Variants in FMN2 observed in about 807,000 individuals in gnomAD.
The protein encoded by FMN2 is formin 2.
In FMN2, 51 loss-of-function variants were observed where a neutral mutation model predicts 142.3. The ratio of observed to expected loss-of-function variants is 0.36; its 90% CI spans 0.29 to 0.45. The LOEUF (loss-of-function observed/expected upper bound fraction) is 0.45. Among genes scored for constraint, FMN2 ranks in the 20% least tolerant of loss-of-function variants. The pLI is 1.00. For synonymous variants in FMN2, 882 were observed against 869.8 expected (o/e 1.01, Z -0.25); for missense variants, 1,936 against 2,122.8 (o/e 0.91, Z 1.73).
At chr1:240,444,703 C>T (rs768539480) in intron 16 of FMN2, among the ~76,000 whole-genome samples, 1 of 152,120 alleles carries the variant, frequency 6.6e-6, no homozygotes, top group African/African-American at 2.4e-5. Flanking sequence ...GAAGGTTATG[C>T]GTTACATTGG....
chr1:240,157,107 C>G (rs1161497007), intron 2 of FMN2, among the ~76,000 whole-genome samples: 4 of 152,326 alleles, frequency 2.6e-5, no homozygotes, highest in African/African-American at 9.6e-5. Context: ...GTCTACCGCA[C>G]AGCTTACATT....
chr1:240,275,228 A>G (rs112603406), intron 7 of FMN2, among the ~76,000 whole-genome samples: 4,248 of 151,774 alleles, frequency 0.028, 154 homozygotes, highest in African/African-American at 0.093. Context: ...TCCTAATGCT[A>G]TCCCTCCCCT....
intron 8 of FMN2, among the ~76,000 whole-genome samples, chr1:240,326,605 C>A (rs944447682): frequency 1.3e-5 from 2 of 152,132 alleles, no homozygotes; most frequent in Non-Finnish European, 2.9e-5. Context: ...TCTGGTCATT[C>A]AACCCCACGT....
At chr1:240,279,454 A>G (rs1389395012) in intron 7 of FMN2, among the ~76,000 whole-genome samples, 2 of 152,158 alleles carry the variant, frequency 1.3e-5, no homozygotes, top group Non-Finnish European at 2.9e-5. Flanking sequence ...ACATCACTGT[A>G]AGAAGCAGGT....
At chr1:240,188,083 G>C in intron 3 of FMN2, 124 bp from the exon 4 acceptor site, 1 of 817,176 alleles carries the variant, frequency 1.2e-6, no homozygotes. Flanking sequence ...AATTGGAAGA[G>C]AGACTGGATA....
chr1:240,307,776 A>G (rs1179434595), intron 8 of FMN2, among the ~76,000 whole-genome samples: 1 of 152,136 alleles, frequency 6.6e-6, no homozygotes, highest in Non-Finnish European at 1.5e-5. Flanking sequence ...TCTGTGAAAA[A>G]TGATGTTTGT....
At position 240,092,917 on chromosome 1, in the gene FMN2, G is replaced by A. The variant is rs1388134224; in HGVS notation, c.808G>A (p.Glu270Lys). Residue 270 changes from glutamate to lysine, a missense_variant, in exon 1 of 18, where the codon GAG (glutamate) becomes AAG (lysine). Physicochemically the swap from Glu to Lys is moderately conservative, Grantham distance 56 (BLOSUM62 1). This residue lies in a region of FMN2 where 751 missense variants were observed against 791.8 expected (regional missense o/e 0.95). Transcript: ENST00000319653. ...AGEAPGSPDT[E>K]QALSALSDLP... is the part of the protein sequence containing the mutation. ...GGAGGCCCCGGGCAGTCCGGACACC[G>A]AGCAGGCGCTGTCCGCGCTCTCCGA... 4 of 1,481,010 alleles carry A rather than the reference G, an allele frequency of 2.7e-6. No homozygotes were observed. The highest frequency in any genetic ancestry group is 2.7e-5 in the South Asian group (2 of 75,212). The allele number at this position is 1,481,010 out of a possible 1,614,324, so 91.7% of individuals were successfully genotyped here. A position where few individuals can be genotyped will look rare whatever the true frequency, so the allele number is the denominator to read the frequency against.
At chr1:240,332,883 T>C (rs1260130325) in intron 11 of FMN2, among the ~76,000 whole-genome samples, 1 of 152,184 alleles carries the variant, frequency 6.6e-6, no homozygotes, top group Non-Finnish European at 1.5e-5. Flanking sequence ...AACCGTTTCA[T>C]TGAATTACAA....
chr1:240,222,586 A>G (rs955964622), intron 6 of FMN2, among the ~76,000 whole-genome samples: 1 of 152,070 alleles, frequency 6.6e-6, no homozygotes, highest in African/African-American at 2.4e-5. Flanking sequence ...TTTGTGCACT[A>G]TGGCCATTTT....
intron 2 of FMN2, among the ~76,000 whole-genome samples, chr1:240,151,019 C>T (rs2103271848): frequency 6.6e-6 from 1 of 152,204 alleles, no homozygotes; most frequent in East Asian, 1.9e-4. Context: ...AGAAATTAAC[C>T]ATCCTTCTAT....
At chr1:240,180,327 A>G in intron 3 of FMN2, 2 of 366,664 alleles carry the variant, frequency 5.5e-6, no homozygotes, top group South Asian at 5.6e-5. Context: ...TTGGAGAGAC[A>G]CTTCCATGAG....
intron 15 of FMN2, among the ~76,000 whole-genome samples, chr1:240,425,609 T>G (rs943136440): frequency 2.0e-5 from 3 of 152,176 alleles, no homozygotes; most frequent in Non-Finnish European, 4.4e-5. Flanking sequence ...GTGCTTATCA[T>G]TTTCTGAACA....
rs1472096563 is a variant in FMN2 at position 240,230,035 on chromosome 1, G to C, written c.4065+18800G>C. Among the ~76,000 whole-genome samples the C allele has an allele frequency of 1.5e-5, 2 of 131,632 alleles. 1 individual carries two copies. The highest frequency in any genetic ancestry group is 6.5e-5 in the African/African-American group (2 of 30,704). The allele number at this position is 131,632 out of a possible 152,430, so 86.4% of individuals were successfully genotyped here. A position where few individuals can be genotyped will look rare whatever the true frequency, so the allele number is the denominator to read the frequency against. On this transcript the variant is annotated intron_variant, in intron 6 of 17. Coordinates refer to ENST00000319653, the MANE Select transcript of FMN2 (RefSeq NM_020066.5). ...GCTAACCAAAAATTTATAGAAGAGAGGCCGGCGCAGTGGTTCATGCCTATA... is the reference window on the plus strand; with the variant it reads ...GCTAACCAAAAATTTATAGAAGAGACGCCGGCGCAGTGGTTCATGCCTATA...
chr1:240,155,532 T>TTGAGA, intron 2 of FMN2, among the ~76,000 whole-genome samples: 1 of 152,256 alleles, frequency 6.6e-6, no homozygotes, highest in East Asian at 1.9e-4. Flanking sequence ...CCTCCTGCCT[T>TTGAGA]GGCCTCTCAA....
chr1:240,411,324 G>A (rs1242536440), intron 15 of FMN2, among the ~76,000 whole-genome samples: 3 of 152,108 alleles, frequency 2.0e-5, no homozygotes, highest in South Asian at 2.1e-4. Context: ...CATAATCCCA[G>A]CACTTTGGGA....
At chr1:240,220,269 C>A (rs947876343) in intron 6 of FMN2, among the ~76,000 whole-genome samples, 2 of 152,130 alleles carry the variant, frequency 1.3e-5, no homozygotes, top group African/African-American at 4.8e-5. Context: ...ACAGTTGAGC[C>A]ACAACCCACT....
intron 15 of FMN2, among the ~76,000 whole-genome samples, chr1:240,432,813 C>CA (rs1675220816): frequency 6.6e-6 from 1 of 151,974 alleles, no homozygotes; most frequent in Admixed American, 6.6e-5. Flanking sequence ...TTTGTTCCTT[C>CA]ATAATTTAAT....
intron 1 of FMN2, among the ~76,000 whole-genome samples, chr1:240,103,366 G>T (rs1395838358): frequency 6.6e-6 from 1 of 152,214 alleles, no homozygotes; most frequent in African/African-American, 2.4e-5. Context: ...CCAATAGACT[G>T]CTAGAGTTGT....
chr1:240,261,395 C>CTT (rs796443563), intron 7 of FMN2, among the ~76,000 whole-genome samples: 2 of 141,768 alleles, frequency 1.4e-5, no homozygotes, highest in Non-Finnish European at 3.1e-5. Flanking sequence ...CAAGATTGTG[C>CTT]TTTTTTTTTT....
Sources: gnomAD v4.1 joint callset for allele counts (sites outside exome capture counted in the v4.1 genomes callset) on GRCh38, gnomAD v4.1.1 for gene constraint, gnomAD v4.1.1 regional missense constraint, MANE v1.5 for transcripts, NCBI Gene and HGNC (gene_info 2026-07-23, HGNC 2026-07-21) for gene names.